The following FOXP4 variants were observed in gnomAD, a reference collection of about 807,000 sequenced individuals.
FOXP4 encodes forkhead box protein P4.
A neutral mutation model predicts 82.6 loss-of-function variants in FOXP4; 25 were observed. That is an observed-to-expected ratio of 0.30 (90% CI 0.22 to 0.42). FOXP4 has a LOEUF of 0.42. FOXP4 is among the 10% of genes least tolerant of loss of function. The pLI is 1.00. For missense variants in FOXP4, 785 were observed against 900.9 expected (o/e 0.87, Z 1.65); for synonymous variants, 415 against 388.2 (o/e 1.07, Z -0.81).
intron 14 of FOXP4, among the ~76,000 whole-genome samples, chr6:41,595,749 C>A (rs1050516422): frequency 6.6e-6 from 1 of 152,028 alleles, no homozygotes; most frequent in Non-Finnish European, 1.5e-5. Context: ...ATTACAGGTG[C>A]CCACGACCAC....
chr6:41,572,649 C>A (rs1197210987), intron 2 of FOXP4, among the ~76,000 whole-genome samples: 2 of 152,118 alleles, frequency 1.3e-5, no homozygotes, highest in Admixed American at 6.5e-5. Flanking sequence ...ATTATGGAGA[C>A]AATTTAGATA....
chr6:41,586,722 C>T (rs1008823985), intron 5 of FOXP4, among the ~76,000 whole-genome samples: 2 of 152,166 alleles, frequency 1.3e-5, no homozygotes, highest in African/African-American at 4.8e-5. Flanking sequence ...GCTGAAGCAG[C>T]GGAAGGAGGG....
chr6:41,572,656 G>C (rs543498167), intron 2 of FOXP4, among the ~76,000 whole-genome samples: 146 of 152,144 alleles, frequency 9.6e-4, no homozygotes, highest in Non-Finnish European at 1.6e-3. Flanking sequence ...AGACAATTTA[G>C]ATAAGATTGA....
chr6:41,571,187 T>C (rs1765179216), intron 2 of FOXP4, among the ~76,000 whole-genome samples: 1 of 152,216 alleles, frequency 6.6e-6, no homozygotes, highest in Non-Finnish European at 1.5e-5. Context: ...ACCTCCTTGC[T>C]GGAGGTCAGA....
At chr6:41,588,585 G>A (rs963747415) in intron 8 of FOXP4, 59 bp from the exon 9 acceptor site, 1 of 1,525,948 alleles carries the variant, frequency 6.6e-7, no homozygotes, top group East Asian at 2.2e-5. Context: ...TAGGATGGGA[G>A]GATGGTGGCA....
chr6:41,547,703 C>T (rs547279713), intron 1 of FOXP4, among the ~76,000 whole-genome samples: 27 of 152,160 alleles, frequency 1.8e-4, no homozygotes, highest in Non-Finnish European at 3.2e-4. Context: ...CGCTTCACCA[C>T]TTAAGGGGGG....
chr6:41,585,545 C>T (rs368450451), intron 5 of FOXP4, 28 bp downstream of exon 5: 39 of 1,601,544 alleles, frequency 2.4e-5, no homozygotes, highest in Admixed American at 8.4e-5. Flanking sequence ...GGCCCACCAC[C>T]GCCCTCACCC....
chr6:41,581,786 C>T, intron 3 of FOXP4, among the ~76,000 whole-genome samples: 1 of 152,254 alleles, frequency 6.6e-6, no homozygotes, highest in East Asian at 1.9e-4. Flanking sequence ...GGCAGCTGCT[C>T]AGCCAAGTGG....
At position 41,565,730 on chromosome 6, in the gene FOXP4, C is replaced by T. The variant is rs760364169; in HGVS notation, c.-16-15C>T. On this transcript the variant is annotated splice_polypyrimidine_tract_variant and intron_variant, in intron 1 of 16. Coordinates refer to ENST00000307972, the MANE Select transcript of FOXP4 (RefSeq NM_001012426.2). ...CAGCCTCAGCCTCTCCCCTGTGTCT[C>T]TCTTCCTCCTCCAGGTACCGCTAGA... is the stretch of plus-strand genomic sequence containing the variant. 1.3e-6 allele frequency: 2 copies of T among 1,565,786 alleles called. No homozygotes were observed. Among genetic ancestry groups the T allele is most frequent in the South Asian group, 2.4e-5 (2 of 83,344 alleles).
At chr6:41,560,653 A>C (rs1225928398) in intron 1 of FOXP4, among the ~76,000 whole-genome samples, 2 of 152,198 alleles carry the variant, frequency 1.3e-5, no homozygotes, top group Non-Finnish European at 2.9e-5. Context: ...CACTAATTAG[A>C]GATCGCAGAG....
At chr6:41,549,737 G>A (rs1349409715) in intron 1 of FOXP4, among the ~76,000 whole-genome samples, 1 of 144,338 alleles carries the variant, frequency 6.9e-6, no homozygotes, top group Non-Finnish European at 1.5e-5. Context: ...ATGGTGGGGG[G>A]GAGGGTGGAG....
chr6:41,578,844 C>T (rs528199004), intron 3 of FOXP4, among the ~76,000 whole-genome samples: 24 of 152,192 alleles, frequency 1.6e-4, no homozygotes, highest in African/African-American at 5.1e-4. Context: ...CCCAGCAGCC[C>T]GGGATCCATG....
chr6:41,587,569 C>G, intron 7 of FOXP4, 57 bp downstream of exon 7: 1 of 1,384,262 alleles, frequency 7.2e-7, no homozygotes, highest in Non-Finnish European at 9.9e-7. Context: ...TAGACCTGGC[C>G]CCCCACCCAT....
chr6:41,597,974 A>G (rs901922648), intron 16 of FOXP4, 24 bp downstream of exon 16: 1 of 1,007,128 alleles, frequency 9.9e-7, no homozygotes, highest in East Asian at 6.4e-5. Flanking sequence ...ACGGACCCCC[A>G]CCCACCCCAG....
chr6:41,570,771 T>C (rs1448202711), intron 2 of FOXP4, among the ~76,000 whole-genome samples: 1 of 152,226 alleles, frequency 6.6e-6, no homozygotes, highest in East Asian at 1.9e-4. Context: ...GAGATGAATG[T>C]TCCTTCTGAG....
chr6:41,598,991 G>C lies in FOXP4; in HGVS notation c.*55G>C. The C allele has an allele frequency of 6.8e-7, 1 of 1,480,380 alleles. No individual in the cohort carries two copies. Among genetic ancestry groups the C allele is most frequent in the African/African-American group, 1.4e-5 (1 of 71,322 alleles). 91.7% of individuals were successfully genotyped at this position (1,480,380 alleles called of 1,614,324 possible). A position where few individuals can be genotyped will look rare whatever the true frequency, so the allele number is the denominator to read the frequency against. On this transcript the variant is annotated 3_prime_UTR_variant, in exon 17 of 17. Transcript: ENST00000307972. Reference sequence around the variant, plus strand: ...GAGACCCCTCCCTTCCAGAATCCAGGCCCCATCTCCCCCAACTCCACAGCC... The same window carrying C: ...GAGACCCCTCCCTTCCAGAATCCAGCCCCCATCTCCCCCAACTCCACAGCC...
At chr6:41,588,610 G>A (rs777452289) in intron 8 of FOXP4, 34 bp from the exon 9 acceptor site, 14 of 1,610,624 alleles carry the variant, frequency 8.7e-6, no homozygotes, top group Non-Finnish European at 1.2e-5. Flanking sequence ...GGAAACCGGA[G>A]CCAACTTTCT....
rs554758711 is a variant in FOXP4 at position 41,577,569 on chromosome 6, A to G, written c.205-417A>G. Among the ~76,000 whole-genome samples, 87 of 152,098 alleles carry G rather than the reference A, an allele frequency of 5.7e-4. 1 individual carries two copies. Among genetic ancestry groups the G allele is most frequent in the Non-Finnish European group, 1.1e-3 (75 of 68,012 alleles). ...TCTGCAAAATGGGGCAATAATCCCT[A>G]CCTTACAGCCTTACAGAGGAAGATT... On this transcript the variant is annotated intron_variant, in intron 2 of 16. Coordinates refer to ENST00000307972, the MANE Select transcript of FOXP4 (RefSeq NM_001012426.2).
intron 2 of FOXP4, among the ~76,000 whole-genome samples, chr6:41,567,507 A>G (rs1764950062): frequency 6.6e-6 from 1 of 152,230 alleles, no homozygotes; most frequent in African/African-American, 2.4e-5. Flanking sequence ...CTTTACCAAC[A>G]TAATAGCAAA....
Sources: gnomAD v4.1 joint callset for allele counts (sites outside exome capture counted in the v4.1 genomes callset) on GRCh38, gnomAD v4.1.1 for gene constraint, MANE v1.5 for transcripts, NCBI Gene and HGNC (gene_info 2026-07-23, HGNC 2026-07-21) for gene names.